ATF7IP: variants seen among roughly 807,000 people sequenced by gnomAD.
The protein encoded by ATF7IP is activating transcription factor 7-interacting protein 1.
A neutral mutation model predicts 106.4 loss-of-function variants in ATF7IP; 23 were observed. That is an observed-to-expected ratio of 0.22 (90% CI 0.16 to 0.31). ATF7IP has a LOEUF of 0.31. ATF7IP is among the 10% of genes least tolerant of loss of function. ATF7IP has a pLI of 1.00. For synonymous variants in ATF7IP, 542 were observed against 539.0 expected, an observed-to-expected ratio of 1.01 and a Z score of -0.08; for missense variants, 1,334 against 1,524.3, an observed-to-expected ratio of 0.88 and a Z score of 2.08.
chr12:14,478,953 A>G (rs1944348341), intron 12 of ATF7IP, among the ~76,000 whole-genome samples: 1 of 152,208 alleles, frequency 6.6e-6, no homozygotes, highest in Non-Finnish European at 1.5e-5. Flanking sequence ...ATCTCCAAGA[A>G]TGATTTAAGA....
At chr12:14,457,540 T>G (rs918809423) in intron 8 of ATF7IP, among the ~76,000 whole-genome samples, 4 of 152,070 alleles carry the variant, frequency 2.6e-5, no homozygotes, top group Admixed American at 2.6e-4. Flanking sequence ...GGCAACATAA[T>G]GGAATCCAGT....
chr12:14,436,248 A>G lies in ATF7IP; in HGVS notation c.1788A>G (p.Gln596=). ...TAKGDINQKL[Q]KVIQWLLEEK... is the part of the protein sequence containing the mutation. Reference sequence around the variant, plus strand: ...AAGGAGACATTAACCAGAAACTTCAAAAGGTATTGTGTCAATTATAAGTTA... The same window carrying G: ...AAGGAGACATTAACCAGAAACTTCAGAAGGTATTGTGTCAATTATAAGTTA... Residue 596 remains glutamine, a synonymous_variant, in exon 4 of 15, where the codon CAA becomes CAG. Coordinates refer to ENST00000261168, the MANE Select transcript of ATF7IP (RefSeq NM_018179.5). 1 of 1,611,904 alleles carries G rather than the reference A, an allele frequency of 6.2e-7. No homozygotes were observed. The highest frequency in any genetic ancestry group is 8.5e-7 in the Non-Finnish European group (1 of 1,179,048).
At chr12:14,439,220 A>G (rs1942574804) in intron 5 of ATF7IP, among the ~76,000 whole-genome samples, 1 of 152,160 alleles carries the variant, frequency 6.6e-6, no homozygotes, top group Non-Finnish European at 1.5e-5. Context: ...TATGGTTCCT[A>G]TTGGGTTATT....
intron 13 of ATF7IP, among the ~76,000 whole-genome samples, chr12:14,494,781 A>T (rs1043819992): frequency 6.6e-6 from 1 of 151,450 alleles, no homozygotes; most frequent in Non-Finnish European, 1.5e-5. Context: ...AAAAATACAA[A>T]AATTGGCTGG....
In ATF7IP at chr12:14,483,422, G is replaced by T. The variant is rs577250440; in HGVS notation, c.3280+2237G>T. Reference sequence around the variant, plus strand: ...ACAACCAACACTAACTCCTTCGCTAGCCTGTTGACTTAAAGGTAAGAGGAG... The same window carrying T: ...ACAACCAACACTAACTCCTTCGCTATCCTGTTGACTTAAAGGTAAGAGGAG... On this transcript the variant is annotated intron_variant, in intron 13 of 14. Transcript: ENST00000261168. Among the ~76,000 whole-genome samples, 222 of 152,212 alleles carry T rather than the reference G, an allele frequency of 1.5e-3. 6 individuals are homozygous for T. In the South Asian group the frequency reaches 0.045, roughly 31 times the overall value.
At chr12:14,410,040 C>G (rs1940820620) in intron 1 of ATF7IP, among the ~76,000 whole-genome samples, 1 of 152,046 alleles carries the variant, frequency 6.6e-6, no homozygotes, top group Admixed American at 6.6e-5. Context: ...TTATATTACC[C>G]TATAAAGAAA....
Position 14,499,192 on chromosome 12 carries a change from G to T in ATF7IP, c.*1119G>T, listed in dbSNP as rs1437127433. 3.9e-5 allele frequency: 6 copies of T among 152,166 alleles called. No homozygotes were observed. Among genetic ancestry groups the T allele is most frequent in the Non-Finnish European group, 7.4e-5 (5 of 68,024 alleles). 9.4% of individuals were successfully genotyped at this position (152,166 alleles called of 1,614,324 possible). ...AAGGTGTGTGTATGTACATGGATGT[G>T]TATGTACACACACACACAGGTGCAT... On this transcript the variant is annotated 3_prime_UTR_variant, in exon 15 of 15. Transcript: ENST00000261168.
intron 1 of ATF7IP, among the ~76,000 whole-genome samples, chr12:14,411,943 A>G (rs182305399): frequency 2.6e-5 from 4 of 152,040 alleles, no homozygotes; most frequent in Admixed American, 6.5e-5. Flanking sequence ...TCTTTCATTT[A>G]TAGGAATTAA....
chr12:14,481,055 A>G lies in ATF7IP; in HGVS notation c.3150A>G (p.Arg1050=). Reference sequence around the variant, plus strand: ...GTCCAGTAACTCAGGTGACCACAAGACTCCCTGTACCAAGAGCTCCTGCAA... The same window carrying G: ...GTCCAGTAACTCAGGTGACCACAAGGCTCCCTGTACCAAGAGCTCCTGCAA... ...THRPVTQVTT[R]LPVPRAPANH... Residue 1050 remains arginine (R), a synonymous_variant, in exon 13 of 15, where the codon AGA becomes AGG. Coordinates refer to ENST00000261168, the MANE Select transcript of ATF7IP (RefSeq NM_018179.5). 3 of 1,613,746 alleles carry G rather than the reference A, an allele frequency of 1.9e-6. No individual in the cohort carries two copies. The South Asian group carries it at 3.3e-5, about 18-fold the overall frequency.
intron 10 of ATF7IP, among the ~76,000 whole-genome samples, chr12:14,471,297 G>GTGTA (rs1944034918): frequency 6.6e-6 from 1 of 152,132 alleles, no homozygotes; most frequent in Non-Finnish European, 1.5e-5. Flanking sequence ...ATGGTTAGTA[G>GTGTA]TGTAATTTGG....
Position 14,460,555 on chromosome 12 carries a change from C to T in ATF7IP, c.2219C>T (p.Thr740Ile), listed in dbSNP as rs763255252. The T allele has an allele frequency of 5.6e-6, 9 of 1,614,048 alleles. No individual in the cohort carries two copies. The highest frequency in any genetic ancestry group is 1.6e-4 in the Middle Eastern group (1 of 6,084). Residue 740 changes from threonine (T) to isoleucine (I), a missense_variant, in exon 9 of 15, where the codon ACT (threonine) becomes ATT (isoleucine). Coordinates refer to ENST00000261168, the MANE Select transcript of ATF7IP (RefSeq NM_018179.5). ...GTCAGTAGTCAACCTAAATTGCAGA[C>T]TCCAGTGACTTCGGGTTCCCTCACA... ...AVVSSQPKLQ[T>I]PVTSGSLTAT...
chr12:14,466,560 C>A lies in ATF7IP; in HGVS notation c.2832C>A (p.Val944=), dbSNP rs1565537232. ...NQTNKTIDAS[V]SKKAADSTSQ... is the part of the protein sequence containing the mutation. The stretch of plus-strand genomic sequence containing the variant: ...CAAACAAAACAATAGATGCTTCTGT[C>A]AGTAAGAAAGCAGCTGATAGCACAT... The change falls in exon 10 of 15, where the codon GTC becomes GTA. Residue 944 remains valine (V), a synonymous_variant. Transcript: ENST00000261168. 2.1e-5 allele frequency: 34 copies of A among 1,603,822 alleles called. No individual in the cohort carries two copies. The highest frequency in any genetic ancestry group is 2.8e-5 in the Non-Finnish European group (33 of 1,176,734).
chr12:14,432,503 A>C (rs1468361024), intron 2 of ATF7IP, among the ~76,000 whole-genome samples: 1 of 152,238 alleles, frequency 6.6e-6, no homozygotes, highest in East Asian at 1.9e-4. Flanking sequence ...ATGGAGAGTT[A>C]ATTTTCAAAT....
chr12:14,368,286 T>C (rs1025836174), intron 1 of ATF7IP, among the ~76,000 whole-genome samples: 3 of 152,100 alleles, frequency 2.0e-5, no homozygotes, highest in Non-Finnish European at 4.4e-5. Context: ...ATTTCATTTC[T>C]ACTCTTTTAA....
chr12:14,475,719 T>C (rs1944239352), intron 10 of ATF7IP, among the ~76,000 whole-genome samples, 171 bp from the exon 11 acceptor site: 1 of 152,224 alleles, frequency 6.6e-6, no homozygotes, highest in African/African-American at 2.4e-5. Flanking sequence ...AACACATGAG[T>C]ATCCTGGGAC....
At chr12:14,415,343 T>C (rs1941146566) in intron 1 of ATF7IP, among the ~76,000 whole-genome samples, 1 of 152,208 alleles carries the variant, frequency 6.6e-6, no homozygotes. Flanking sequence ...GTTTTTATCA[T>C]GTGGACCATT....
At chr12:14,406,360 A>T (rs1044158581) in intron 1 of ATF7IP, among the ~76,000 whole-genome samples, 1 of 152,102 alleles carries the variant, frequency 6.6e-6, no homozygotes, top group African/African-American at 2.4e-5. Context: ...TAGCCTCCCA[A>T]AGTGCTGGGA....
rs748112456 is a variant in ATF7IP at position 14,425,480 on chromosome 12, A to G, written c.1558+7A>G. 2.0e-6 allele frequency: 3 copies of G among 1,512,548 alleles called. No homozygotes were observed. Among genetic ancestry groups the G allele is most frequent in the Admixed American group, 2.4e-5 (1 of 41,094 alleles). 93.7% of individuals were successfully genotyped at this position (1,512,548 alleles called of 1,614,324 possible). A position where few individuals can be genotyped will look rare whatever the true frequency, so the allele number is the denominator to read the frequency against. On this transcript the variant is annotated splice_region_variant and intron_variant, in intron 2 of 14. Coordinates refer to ENST00000261168, the MANE Select transcript of ATF7IP (RefSeq NM_018179.5). ...AATGAAACGTGCTCTCCAGGTTAGCATATAACTTAAATGTTAAAGATTTTT... is the reference window on the plus strand; with the variant it reads ...AATGAAACGTGCTCTCCAGGTTAGCGTATAACTTAAATGTTAAAGATTTTT...
intron 11 of ATF7IP, chr12:14,476,220 C>T (rs184553428): frequency 6.1e-5 from 19 of 310,332 alleles, no homozygotes; most frequent in South Asian, 9.0e-5. Flanking sequence ...GAGACCAGCC[C>T]GGGCAATGCG....
Sources: gnomAD v4.1 joint callset for allele counts (sites outside exome capture counted in the v4.1 genomes callset) on GRCh38, gnomAD v4.1.1 for gene constraint, MANE v1.5 for transcripts, NCBI Gene and HGNC (gene_info 2026-07-23, HGNC 2026-07-21) for gene names.